The following COL24A1 variants were observed in gnomAD, a reference collection of about 807,000 sequenced individuals.
The protein encoded by COL24A1 is collagen alpha-1(XXIV) chain.
COL24A1 carries 224 observed loss-of-function variants against 253.9 expected under a neutral mutation model. That is an observed-to-expected ratio of 0.88 (90% CI 0.79 to 0.99). The LOEUF (loss-of-function observed/expected upper bound fraction) is 0.99, where lower values mean the gene tolerates loss of function less well. Among genes scored for constraint, COL24A1 ranks in the 50% least tolerant of loss-of-function variants. The pLI is 0.00. For synonymous variants in COL24A1, 685 were observed against 673.7 expected, an observed-to-expected ratio of 1.02 and a Z score of -0.26; for missense variants, 2,131 against 2,068.5, an observed-to-expected ratio of 1.03 and a Z score of -0.59.
At chr1:85,852,300 T>A (rs1216197209) in intron 37 of COL24A1, among the ~76,000 whole-genome samples, 1 of 151,994 alleles carries the variant, frequency 6.6e-6, no homozygotes, top group African/African-American at 2.4e-5. Context: ...CATTGGTCTG[T>A]TTGTTTATTT....
In COL24A1 at chr1:85,889,605, C is replaced by T. The variant is rs1259267311; in HGVS notation, c.2931G>A (p.Gln977=). 6.2e-7 allele frequency: 1 copy of T among 1,613,178 alleles called. No individual in the cohort carries two copies. The highest frequency in any genetic ancestry group is 1.1e-5 in the South Asian group (1 of 91,024). Residue 977 remains glutamine, a synonymous_variant, in exon 32 of 60, where the codon CAG becomes CAA. Coordinates refer to ENST00000370571, the MANE Select transcript of COL24A1 (RefSeq NM_152890.7). ...TGTCACCTGTACTTCCAGGCAATCC[C>T]TGTAAACCCTGGACAAATAAAGGCA... is the stretch of plus-strand genomic sequence containing the variant. The part of the protein sequence containing the change: ...ERGFQGKPGL[Q]GLPGSTGDRG...
chr1:85,888,044 T>C (rs1682715636), intron 32 of COL24A1, among the ~76,000 whole-genome samples: 1 of 152,074 alleles, frequency 6.6e-6, no homozygotes, highest in Admixed American at 6.6e-5. Flanking sequence ...GTGTTTTTTT[T>C]TGTTTCAGTG....
chr1:86,036,290 T>A (rs1699013696), intron 12 of COL24A1, among the ~76,000 whole-genome samples: 1 of 152,104 alleles, frequency 6.6e-6, no homozygotes, highest in South Asian at 2.1e-4. Flanking sequence ...ACCAAGCCGT[T>A]GTGTATTGTT....
chr1:86,127,079 C>T (rs1201001303), intron 2 of COL24A1, among the ~76,000 whole-genome samples: 5 of 152,004 alleles, frequency 3.3e-5, no homozygotes, highest in Non-Finnish European at 7.4e-5. Flanking sequence ...GTGTGTGCTA[C>T]GCTTAAAGTA....
intron 7 of COL24A1, among the ~76,000 whole-genome samples, chr1:86,080,229 TG>T (rs1170107734): frequency 1.2e-4 from 18 of 152,056 alleles, no homozygotes; most frequent in Non-Finnish European, 2.4e-4. Context: ...ATCACAAAAT[TG>T]AATTCATGGA....
intron 47 of COL24A1, among the ~76,000 whole-genome samples, chr1:85,798,951 A>C (rs1671108430): frequency 6.6e-6 from 1 of 152,112 alleles, no homozygotes; most frequent in African/African-American, 2.4e-5. Flanking sequence ...TGCAAGGAAA[A>C]GTTGTTTTGC....
chr1:85,889,994 G>C (rs1289864320), intron 31 of COL24A1, among the ~76,000 whole-genome samples: 1 of 151,932 alleles, frequency 6.6e-6, no homozygotes, highest in African/African-American at 2.4e-5. Context: ...ATATTAGTGA[G>C]ATCATACAAT....
At chr1:85,861,198 G>C (rs1679108627) in intron 37 of COL24A1, among the ~76,000 whole-genome samples, 1 of 151,956 alleles carries the variant, frequency 6.6e-6, no homozygotes, top group Non-Finnish European at 1.5e-5. Context: ...ATCTCATTGT[G>C]GTTTTGATTT....
intron 43 of COL24A1, among the ~76,000 whole-genome samples, chr1:85,829,618 A>G (rs140836799): frequency 0.37 from 56,399 of 151,610 alleles, 11,325 homozygotes; most frequent in Non-Finnish European, 0.43. Flanking sequence ...GGCTTTGCTC[A>G]TTTCTTTTTA....
rs1192703534 is a variant in COL24A1, at chr1:86,124,996, A to G, written c.1340T>C (p.Leu447Pro). Residue 447 changes from leucine to proline, a missense_variant, in exon 3 of 60, where the codon CTA (leucine) becomes CCA (proline). By Grantham distance (98) the Leu-to-Pro change is moderately conservative. Coordinates refer to ENST00000370571, the MANE Select transcript of COL24A1 (RefSeq NM_152890.7). ...NEPSVDNHLD[L>P]RKEGEFYPDA... ...AGGATAAAATTCACCTTCTTTCCTTAGATCAAGGTGATTATCCACAGATGG... is the reference window on the plus strand; with the variant it reads ...AGGATAAAATTCACCTTCTTTCCTTGGATCAAGGTGATTATCCACAGATGG... 2 of 1,613,128 alleles carry G rather than the reference A, an allele frequency of 1.2e-6. No homozygotes were observed. Among genetic ancestry groups the G allele is most frequent in the South Asian group, 2.2e-5 (2 of 91,026 alleles).
intron 24 of COL24A1, among the ~76,000 whole-genome samples, chr1:85,959,774 C>T (rs1340928869): frequency 2.0e-5 from 3 of 152,028 alleles, no homozygotes; most frequent in Middle Eastern, 3.4e-3. Context: ...TGGAATTAGT[C>T]CAAAACTATT....
intron 55 of COL24A1, among the ~76,000 whole-genome samples, chr1:85,761,152 C>T (rs941617139): frequency 1.3e-5 from 2 of 152,142 alleles, no homozygotes; most frequent in East Asian, 3.9e-4. Context: ...GCATGCTTTA[C>T]TTCTTACTCA....
chr1:86,042,526 T>C (rs956979970), intron 12 of COL24A1, among the ~76,000 whole-genome samples: 1 of 152,110 alleles, frequency 6.6e-6, no homozygotes, highest in South Asian at 2.1e-4. Context: ...AAATAATAAA[T>C]AATTTTCTCT....
At chr1:85,797,248 A>G (rs1163979065) in intron 47 of COL24A1, among the ~76,000 whole-genome samples, 2 of 151,702 alleles carry the variant, frequency 1.3e-5, no homozygotes, top group Admixed American at 6.6e-5. Flanking sequence ...CAATTCCCAA[A>G]TGTTTATTGA....
intron 47 of COL24A1, among the ~76,000 whole-genome samples, chr1:85,796,868 A>C (rs748460090): frequency 1.3e-5 from 2 of 152,098 alleles, no homozygotes; most frequent in Non-Finnish European, 2.9e-5. Context: ...TCTAGATTTT[A>C]AACCCAGGTC....
At chr1:85,997,289 GT>G (rs1639104939) in intron 19 of COL24A1, among the ~76,000 whole-genome samples, 1 of 151,646 alleles carries the variant, frequency 6.6e-6, no homozygotes, top group Non-Finnish European at 1.5e-5. Flanking sequence ...TAGCAAGAGG[GT>G]ATAAGTAGAT....
intron 20 of COL24A1, among the ~76,000 whole-genome samples, chr1:85,979,655 A>C (rs891813199): frequency 6.6e-6 from 1 of 151,876 alleles, no homozygotes; most frequent in African/African-American, 2.4e-5. Context: ...AACTCTGAAC[A>C]GATTAATAAC....
intron 10 of COL24A1, among the ~76,000 whole-genome samples, chr1:86,056,599 T>C (rs1271893625): frequency 2.0e-5 from 3 of 152,126 alleles, no homozygotes; most frequent in Non-Finnish European, 4.4e-5. Flanking sequence ...CTCACTCCTG[T>C]AATCCCAGCA....
In COL24A1 at chr1:85,997,041, ATG is replaced by A. The variant is rs1212886965; in HGVS notation, c.2311-9389_2311-9388del. On this transcript the variant is annotated intron_variant, in intron 19 of 59. Coordinates refer to ENST00000370571, the MANE Select transcript of COL24A1 (RefSeq NM_152890.7). ...TATGTGTGTGTGTATATATATATAT[ATG>A]TGTGTGTGTGTGTATATATATATAT... 1.1e-4 allele frequency among the ~76,000 whole-genome samples: 9 copies of A among 81,162 alleles called. 1 individual carries two copies. In the South Asian group the frequency reaches 1.8e-3, roughly 16 times the overall value. 53.2% of individuals were successfully genotyped at this position (81,162 alleles called of 152,430 possible).
Sources: gnomAD v4.1 joint callset for allele counts (sites outside exome capture counted in the v4.1 genomes callset) on GRCh38, gnomAD v4.1.1 for gene constraint, MANE v1.5 for transcripts, NCBI Gene and HGNC (gene_info 2026-07-23, HGNC 2026-07-21) for gene names.